The following PDZD2 variants were observed in gnomAD, a reference collection of about 807,000 sequenced individuals.
PDZD2 encodes the protein PDZ domain-containing protein 2.
A neutral mutation model predicts 220.7 loss-of-function variants in PDZD2; 90 were observed. The ratio of observed to expected loss-of-function variants is 0.41; its 90% confidence interval spans 0.34 to 0.49. PDZD2 has a LOEUF of 0.49. Ranked by LOEUF, PDZD2 falls within the 20% of genes least tolerant of loss-of-function variation. The pLI is 0.28. For synonymous variants in PDZD2, 1,375 were observed against 1,450.5 expected, an observed-to-expected ratio of 0.95 and a Z score of 1.18; for missense variants, 3,174 against 3,608.5, an observed-to-expected ratio of 0.88 and a Z score of 3.08.
chr5:31,829,892 C>T (rs181988703), intron 2 of PDZD2, among the ~76,000 whole-genome samples: 18 of 151,758 alleles, frequency 1.2e-4, no homozygotes, highest in Non-Finnish European at 2.4e-4. Flanking sequence ...ACTAAAAATA[C>T]AAAAAATTAG....
intron 2 of PDZD2, among the ~76,000 whole-genome samples, chr5:31,924,494 C>G (rs1390576060): frequency 6.6e-6 from 1 of 152,178 alleles, no homozygotes; most frequent in Non-Finnish European, 1.5e-5. Context: ...TTCCCCCAGC[C>G]CATGGTGATA....
At chr5:31,862,888 A>G (rs1051776017) in intron 2 of PDZD2, among the ~76,000 whole-genome samples, 1 of 151,942 alleles carries the variant, frequency 6.6e-6, no homozygotes. Flanking sequence ...CGCTACGCCC[A>G]GCTAATTTTT....
chr5:31,953,316 T>C (rs1440685896), intron 2 of PDZD2, among the ~76,000 whole-genome samples: 1 of 152,090 alleles, frequency 6.6e-6, no homozygotes, highest in Non-Finnish European at 1.5e-5. Flanking sequence ...CCTAAAACTT[T>C]GGGAAAAAAG....
intron 1 of PDZD2, among the ~76,000 whole-genome samples, chr5:31,796,927 T>G (rs1472819241): frequency 7.3e-6 from 1 of 137,530 alleles, no homozygotes; most frequent in Non-Finnish European, 1.5e-5. Flanking sequence ...TTGTTTTTTG[T>G]TTTTTTGTTT....
chr5:31,967,893 G>A (rs1345182158), intron 2 of PDZD2, among the ~76,000 whole-genome samples: 1 of 152,208 alleles, frequency 6.6e-6, no homozygotes, highest in African/African-American at 2.4e-5. Context: ...CATGAGCTGG[G>A]CCAAGAAAGT....
chr5:31,849,993 C>T (rs1438095699), intron 2 of PDZD2, among the ~76,000 whole-genome samples: 5 of 14,732 alleles, frequency 3.4e-4, no homozygotes, highest in East Asian at 4.6e-3. Context: ...TATATATATA[C>T]ACATATATAT....
intron 6 of PDZD2, among the ~76,000 whole-genome samples, chr5:32,029,403 G>A (rs1754954556): frequency 7.0e-6 from 1 of 142,818 alleles, no homozygotes; most frequent in Non-Finnish European, 1.5e-5. Flanking sequence ...TGAGATTCCT[G>A]AGTCAGAGAC....
intron 9 of PDZD2, 85 bp from the exon 10 acceptor site, chr5:32,053,684 C>A: frequency 1.2e-6 from 1 of 802,048 alleles, no homozygotes; most frequent in Non-Finnish European, 2.2e-6. Context: ...GGGACAGATG[C>A]CTTCAGTTAA....
At chr5:32,007,520 C>A (rs1238542506) in intron 5 of PDZD2, among the ~76,000 whole-genome samples, 1 of 151,940 alleles carries the variant, frequency 6.6e-6, no homozygotes, top group African/African-American at 2.4e-5. Context: ...ATTACTGATT[C>A]AAATTATCTT....
intron 7 of PDZD2, among the ~76,000 whole-genome samples, chr5:32,041,203 G>A (rs532270878): frequency 7.8e-5 from 11 of 140,484 alleles, no homozygotes; most frequent in Admixed American, 2.9e-4. Context: ...CGGCCGCCCC[G>A]TCTGGGAGGT....
chr5:31,695,917 A>G (rs914964017), intron 1 of PDZD2, among the ~76,000 whole-genome samples: 2 of 152,198 alleles, frequency 1.3e-5, no homozygotes, highest in Non-Finnish European at 1.5e-5. Context: ...AACGTCTTCA[A>G]AATTCTACCT....
At chr5:32,034,454 G>T (rs549289879) in intron 6 of PDZD2, among the ~76,000 whole-genome samples, 2 of 151,558 alleles carry the variant, frequency 1.3e-5, no homozygotes, top group African/African-American at 4.8e-5. Flanking sequence ...TGCCTCCCAG[G>T]CTCGAGCTAT....
chr5:31,814,331 T>C (rs1205953500), intron 2 of PDZD2, among the ~76,000 whole-genome samples: 1 of 152,258 alleles, frequency 6.6e-6, no homozygotes, highest in Non-Finnish European at 1.5e-5. Flanking sequence ...CAAATATGAG[T>C]GACCAAGGCC....
At chr5:31,733,008 C>T (rs999580977) in intron 1 of PDZD2, among the ~76,000 whole-genome samples, 4 of 152,166 alleles carry the variant, frequency 2.6e-5, no homozygotes, top group African/African-American at 7.2e-5. Flanking sequence ...GGATTATAGG[C>T]GTGAGCCACC....
intron 17 of PDZD2, among the ~76,000 whole-genome samples, chr5:32,072,745 G>A (rs1402473964): frequency 6.6e-6 from 1 of 152,216 alleles, no homozygotes; most frequent in African/African-American, 2.4e-5. Flanking sequence ...GCCACTGTTA[G>A]TGACTGGCCA....
At chr5:31,648,848 C>T (rs1448989437) in intron 1 of PDZD2, among the ~76,000 whole-genome samples, 1 of 151,948 alleles carries the variant, frequency 6.6e-6, no homozygotes, top group Non-Finnish European at 1.5e-5. Flanking sequence ...ACATCGTTAT[C>T]CCTCGAGTCC....
At position 31,732,423 on chromosome 5, in the gene PDZD2, A is replaced by G. The variant is rs914641611; in HGVS notation, c.-360-66466A>G. 4.6e-5 allele frequency among the ~76,000 whole-genome samples: 7 copies of G among 152,242 alleles called. 1 individual carries two copies. In the South Asian group the frequency reaches 1.5e-3, roughly 32 times the overall value. ...GATGGTTGTTCTCTGCTCACCTTTG[A>G]CCTCAGATGCAAAGACCGGCACAGG... is the stretch of plus-strand genomic sequence containing the variant. On this transcript the variant is annotated intron_variant, in intron 1 of 24. Transcript: ENST00000438447.
chr5:32,002,884 CACACACACCA>C (rs1490514247), intron 5 of PDZD2, among the ~76,000 whole-genome samples: 2 of 79,810 alleles, frequency 2.5e-5, no homozygotes, highest in Non-Finnish European at 5.0e-5. Flanking sequence ...ACACACACAC[CACACACACCA>C]ACACACACCC....
At chr5:32,063,947 T>G (rs1159037274) in intron 14 of PDZD2, among the ~76,000 whole-genome samples, 1 of 152,236 alleles carries the variant, frequency 6.6e-6, no homozygotes, top group Non-Finnish European at 1.5e-5. Flanking sequence ...CTCCTCTGTC[T>G]AAGCCAACCT....
Sources: allele counts gnomAD v4.1 joint callset (sites outside exome capture counted in the v4.1 genomes callset), GRCh38; gene constraint gnomAD v4.1.1; transcripts MANE v1.5; gene names NCBI Gene and HGNC (gene_info 2026-07-23, HGNC 2026-07-21).